Variants in TMEM233 observed in about 807,000 individuals in gnomAD.
The protein encoded by TMEM233 is transmembrane protein 233, also known as dispanin subfamily B member 2.
Under a neutral mutation model 11.2 loss-of-function variants are expected in TMEM233, and 6 were observed. That is an observed-to-expected ratio of 0.54 (90% confidence interval 0.29 to 1.06). TMEM233 has a LOEUF of 1.06. TMEM233 is among the 50% of genes least tolerant of loss of function. The pLI, the probability that TMEM233 is intolerant of heterozygous loss-of-function variation, is 0.08. For missense variants in TMEM233, 127 were observed against 144.7 expected, an observed-to-expected ratio of 0.88 and a Z score of 0.63; for synonymous variants, 59 against 55.8, an observed-to-expected ratio of 1.06 and a Z score of -0.26.
chr12:119,638,880 T>A (rs945671591), intron 2 of TMEM233, among the ~76,000 whole-genome samples: 1 of 152,068 alleles, frequency 6.6e-6, no homozygotes, highest in African/African-American at 2.4e-5. Flanking sequence ...CTATTTTTTT[T>A]TAAGTATACA....
At chr12:119,605,103 A>G (rs1204004979) in intron 1 of TMEM233, among the ~76,000 whole-genome samples, 2 of 148,902 alleles carry the variant, frequency 1.3e-5, no homozygotes, top group East Asian at 2.0e-4. Flanking sequence ...GACTTTCTCT[A>G]TTTTACTCCC....
intron 1 of TMEM233, among the ~76,000 whole-genome samples, chr12:119,624,115 T>C (rs988465333): frequency 1.3e-5 from 2 of 151,876 alleles, no homozygotes; most frequent in Non-Finnish European, 2.9e-5. Flanking sequence ...TTTGGGAGGC[T>C]CTGGCAGGTG....
rs149860801 is a variant in TMEM233 at position 119,635,296 on chromosome 12, G to A, written c.324-5403G>A. Among the ~76,000 whole-genome samples, 528 of 152,244 alleles carry A rather than the reference G, an allele frequency of 3.5e-3. 3 individuals carry two copies. The highest frequency in any genetic ancestry group is 0.012 in the African/African-American group (502 of 41,536). ...ATTCATCTGGGATGTTTATAAAAAT[G>A]CAAGTTCCTGGACCCCATTTCCTGA... On this transcript the variant is annotated intron_variant, in intron 2 of 2. Coordinates refer to ENST00000426426, the MANE Select transcript of TMEM233 (RefSeq NM_001136534.3).
At chr12:119,614,138 C>T (rs1156710529) in intron 1 of TMEM233, among the ~76,000 whole-genome samples, 1 of 152,020 alleles carries the variant, frequency 6.6e-6, no homozygotes, top group Non-Finnish European at 1.5e-5. Context: ...CCCATCTACC[C>T]ACCAGTAATC....
rs1357591561 is a variant in TMEM233, at chr12:119,595,715, T to C, written c.186+1681T>C. Among the ~76,000 whole-genome samples, 3 of 152,194 alleles carry C rather than the reference T, an allele frequency of 2.0e-5. No individual in the cohort carries two copies. The highest frequency in any genetic ancestry group is 2.9e-5 in the Non-Finnish European group (2 of 68,040). ...CACGGTATCTTTACAAAATCTTTAC[T>C]CAAATGTCACTTCATGAGGCCTTCT... On this transcript the variant is annotated intron_variant, in intron 1 of 2. Coordinates refer to ENST00000426426, the MANE Select transcript of TMEM233 (RefSeq NM_001136534.3). This position sits in a 1 kb window ranked among gnomAD's most constrained non-coding sequence, Gnocchi z 4.3.
At chr12:119,647,607 C>CT (rs1036934438), downstream of TMEM233, among the ~76,000 whole-genome samples, 4 of 152,016 alleles carry the variant, frequency 2.6e-5, no homozygotes, top group African/African-American at 9.7e-5. Context: ...AAAATCCAAA[C>CT]TTTTTTTTAT....
chr12:119,640,712 A>G lies in TMEM233; in HGVS notation c.*7A>G. The stretch of plus-strand genomic sequence containing the variant: ...TGTACCACACAGTGCCTGAGGAACC[A>G]GCGGTCAGTGGGCTGTGAGCGTGGA... On this transcript the variant is annotated 3_prime_UTR_variant, in exon 3 of 3. Transcript: ENST00000426426. 6.4e-7 allele frequency: 1 copy of G among 1,550,970 alleles called. No individual in the cohort carries two copies.
chr12:119,603,284 A>G (rs988794343), intron 1 of TMEM233, among the ~76,000 whole-genome samples: 2 of 152,114 alleles, frequency 1.3e-5, no homozygotes, highest in East Asian at 3.9e-4. Context: ...ACAAACAAAA[A>G]AAGTAAAAAG....
At chr12:119,634,731 A>G (rs1434644319) in intron 2 of TMEM233, among the ~76,000 whole-genome samples, 8 of 152,198 alleles carry the variant, frequency 5.3e-5, no homozygotes, top group South Asian at 2.1e-4. Context: ...GCTGTAACCA[A>G]TGTGTTAGAG....
intron 2 of TMEM233, chr12:119,631,341 C>G: frequency 4.4e-6 from 1 of 225,304 alleles, no homozygotes; most frequent in Non-Finnish European, 7.4e-6. Flanking sequence ...GCCAACCCAA[C>G]CTTGGCAACC....
intron 1 of TMEM233, among the ~76,000 whole-genome samples, chr12:119,614,678 T>C (rs1566103431): frequency 6.6e-6 from 1 of 152,160 alleles, no homozygotes; most frequent in South Asian, 2.1e-4. Flanking sequence ...GTAGTCCCCT[T>C]AGAAAGTTGC....
At chr12:119,643,166 C>T (rs1057135728), downstream of TMEM233, 1 of 152,334 alleles carries the variant, frequency 6.6e-6, no homozygotes, top group African/African-American at 2.4e-5. Context: ...GCATCAGTCC[C>T]CAGGGAAGAG....
At chr12:119,609,434 C>A (rs539571547) in intron 1 of TMEM233, among the ~76,000 whole-genome samples, 1 of 152,190 alleles carries the variant, frequency 6.6e-6, no homozygotes, top group East Asian at 1.9e-4. Flanking sequence ...GCATAAGTAA[C>A]CAGGAGCCAA....
At chr12:119,632,523 G>A (rs1213368931) in intron 2 of TMEM233, among the ~76,000 whole-genome samples, 5 of 152,182 alleles carry the variant, frequency 3.3e-5, no homozygotes, top group African/African-American at 7.2e-5. Flanking sequence ...AATGTGTGAT[G>A]AGTCAGGGCT....
At chr12:119,653,748 A>G in the TMEM233 span, among the ~76,000 whole-genome samples, 3 of 152,106 alleles carry the variant, frequency 2.0e-5, no homozygotes, top group East Asian at 1.9e-4. Flanking sequence ...GTAAATAAAA[A>G]TTATCCAAAC....
chr12:119,640,840 C>CTGCCT lies in TMEM233; in HGVS notation c.*135_*136insTGCCT. The stretch of plus-strand genomic sequence containing the variant: ...CTCCAGGACTCTCCAGAGGCAGGTC[C>CTGCCT]CTGGCAAATGAACAAGAAAAAAAAA... On this transcript the variant is annotated 3_prime_UTR_variant, in exon 3 of 3. Transcript: ENST00000426426. 1.3e-6 allele frequency: 1 copy of CTGCCT among 758,586 alleles called. No homozygotes were observed. The highest frequency in any genetic ancestry group is 1.8e-6 in the Non-Finnish European group (1 of 544,260). 47.0% of individuals were successfully genotyped at this position (758,586 alleles called of 1,614,324 possible). A position where few individuals can be genotyped will look rare whatever the true frequency, so the allele number is the denominator to read the frequency against.
intron 1 of TMEM233, among the ~76,000 whole-genome samples, chr12:119,603,853 C>A (rs1954214826): frequency 6.6e-6 from 1 of 152,192 alleles, no homozygotes. Flanking sequence ...AAGTCTGCTC[C>A]TACCTTTATC....
At chr12:119,605,132 T>C (rs566641315) in intron 1 of TMEM233, among the ~76,000 whole-genome samples, 1 of 152,238 alleles carries the variant, frequency 6.6e-6, no homozygotes, top group East Asian at 1.9e-4. Flanking sequence ...TAACTTTATT[T>C]GTTCTTTGCT....
intron 1 of TMEM233, among the ~76,000 whole-genome samples, chr12:119,613,522 G>A (rs901285533): frequency 6.6e-6 from 1 of 152,190 alleles, no homozygotes; most frequent in African/African-American, 2.4e-5. Flanking sequence ...TACTTAAGAT[G>A]TCGGGACCTG....
Sources: gnomAD v4.1 joint callset for allele counts (sites outside exome capture counted in the v4.1 genomes callset) on GRCh38, gnomAD v4.1.1 for gene constraint, Gnocchi (gnomAD v3.1) non-coding constraint, MANE v1.5 for transcripts, NCBI Gene and HGNC (gene_info 2026-07-23, HGNC 2026-07-21) for gene names.